PCM1: variants seen among roughly 807,000 people sequenced by gnomAD.
The protein encoded by PCM1 is pericentriolar material 1.
A neutral mutation model predicts 241.9 loss-of-function variants in PCM1; 157 were observed. The ratio of observed to expected loss-of-function variants is 0.65; its 90% CI spans 0.57 to 0.74. The LOEUF is 0.74. PCM1 is among the 30% of genes least tolerant of loss of function. The pLI is 0.00. For missense variants in PCM1, 3,478 were observed against 2,360.1 expected (o/e 1.47, Z -9.81); for synonymous variants, 1,085 against 784.9 (o/e 1.38, Z -6.39).
Position 17,957,753 on chromosome 8 carries a change from A to G in PCM1, c.2018A>G (p.Gln673Arg). The G allele has an allele frequency of 2.5e-6, 4 of 1,612,950 alleles. No individual in the cohort carries two copies. Among genetic ancestry groups the G allele is most frequent in the South Asian group, 1.1e-5 (1 of 91,046 alleles). Residue 673 changes from glutamine (Q) to arginine (R), a missense_variant, in exon 13 of 39, where the codon CAA (glutamine) becomes CGA (arginine). By Grantham distance (43) the Gln-to-Arg change is conservative. Coordinates refer to ENST00000325083, the MANE Select transcript of PCM1 (RefSeq NM_006197.4). ...MAAKQKLRQLQDLVAMVQDDD... is the reference protein window; with the variant it reads ...MAAKQKLRQLRDLVAMVQDDD... ...GCAAAACAGAAACTTAGACAGTTACAAGATCTTGTTGCTATGGTACAGGTA... is the reference window on the plus strand; with the variant it reads ...GCAAAACAGAAACTTAGACAGTTACGAGATCTTGTTGCTATGGTACAGGTA...
Position 18,014,649 on chromosome 8 carries a change from A to C in PCM1, c.5650A>C (p.Asn1884His). Residue 1884 changes from asparagine (N) to histidine (H), a missense_variant, in exon 36 of 39, where the codon AAT becomes CAT. By Grantham distance (68) the Asn-to-His change is moderately conservative. Transcript: ENST00000325083. The part of the protein sequence containing the change: ...LNILEDEQPL[N>H]SAAHKESPPT... ...TATCTTGGAAGATGAGCAACCTTTA[A>C]ATAGTGCTGCCCATAAGGAGTCACC... 1 of 1,613,598 alleles carries C rather than the reference A, an allele frequency of 6.2e-7. No homozygotes were observed.
chr8:17,945,066 A>G (rs915621658), intron 6 of PCM1, among the ~76,000 whole-genome samples: 4 of 152,030 alleles, frequency 2.6e-5, no homozygotes, highest in Admixed American at 6.6e-5. Context: ...TACCCCTTCC[A>G]TTGATATCTG....
Position 18,025,603 on chromosome 8 carries a change from A to G in PCM1, c.5994A>G (p.Ile1998Met). 1 of 1,584,862 alleles carries G rather than the reference A, an allele frequency of 6.3e-7. No individual in the cohort carries two copies. The highest frequency in any genetic ancestry group is 1.8e-5 in the Admixed American group (1 of 55,730). ...EEQKNHLSGE[I>M]CEMQTEELAG... ...AGAAAAACCATTTATCTGGTGAAAT[A>G]TGTGAAATGCAGACCGAAGAATTAG... Residue 1998 changes from isoleucine (I) to methionine (M), a missense_variant, in exon 38 of 39, where the codon ATA (isoleucine) becomes ATG (methionine). Ile to Met is a conservative substitution (Grantham distance 10, BLOSUM62 1). Transcript: ENST00000325083.
chr8:17,956,858 T>G, intron 11 of PCM1, 81 bp downstream of exon 11: 2 of 1,096,764 alleles, frequency 1.8e-6, no homozygotes, highest in East Asian at 5.1e-5. Flanking sequence ...AATACTTCGT[T>G]GTAGTATTTA....
In PCM1 at chr8:17,937,175, A is replaced by G; in HGVS notation, c.138A>G (p.Glu46=). 6.3e-7 allele frequency: 1 copy of G among 1,582,998 alleles called. No homozygotes were observed. The highest frequency in any genetic ancestry group is 1.1e-5 in the South Asian group (1 of 87,002). The change falls in exon 4 of 39, where the codon GAA becomes GAG. Residue 46 remains glutamate (E), a synonymous_variant. Coordinates refer to ENST00000325083, the MANE Select transcript of PCM1 (RefSeq NM_006197.4). The part of the protein sequence containing the change: ...AQQKKANRSS[E]KNKKKFGVES... ...AGAAGAAAGCAAATAGATCATCAGA[A>G]AAGAATAAGAAAAAGTTTGGTGTAG... is the stretch of plus-strand genomic sequence containing the variant.
At chr8:17,955,925 A>G (rs1042651982) in intron 10 of PCM1, 15 of 436,182 alleles carry the variant, frequency 3.4e-5, no homozygotes, top group South Asian at 1.5e-4. Context: ...ATATTTCTAT[A>G]TTCAGATGGT....
intron 34 of PCM1, 82 bp downstream of exon 34, chr8:18,011,909 A>G: frequency 1.6e-6 from 2 of 1,216,818 alleles, no homozygotes; most frequent in East Asian, 2.4e-5. Context: ...TAACTAATCA[A>G]AGTAGATCCT....
At chr8:17,966,957 A>C in intron 20 of PCM1, 23 bp from the exon 21 acceptor site, 1 of 1,572,156 alleles carries the variant, frequency 6.4e-7, no homozygotes, top group Non-Finnish European at 8.6e-7. Flanking sequence ...TGATTCTTAG[A>C]TTACTGACTT....
At position 17,956,793 on chromosome 8, in the gene PCM1, G is replaced by A. The variant is rs745651310; in HGVS notation, c.1646+16G>A. The stretch of plus-strand genomic sequence containing the variant: ...CTAACATTCGGTAAGAACTTTTCTG[G>A]GGATGTTTTTCCAGCATATTCATTC... On this transcript the variant is annotated intron_variant, in intron 11 of 38. Coordinates refer to ENST00000325083, the MANE Select transcript of PCM1 (RefSeq NM_006197.4). The A allele has an allele frequency of 2.3e-5, 37 of 1,591,016 alleles. No homozygotes were observed. The highest frequency in any genetic ancestry group is 2.6e-5 in the Non-Finnish European group (30 of 1,164,026).
chr8:17,980,854 T>C lies in PCM1; in HGVS notation c.4108+99T>C, dbSNP rs1406583608. 3 of 808,782 alleles carry C rather than the reference T, an allele frequency of 3.7e-6. No homozygotes were observed. In the Admixed American group the frequency reaches 8.1e-5, roughly 22 times the overall value. The allele number at this position is 808,782 out of a possible 1,614,324, so 50.1% of individuals were successfully genotyped here. On this transcript the variant is annotated intron_variant, in intron 24 of 38. Transcript: ENST00000325083. The stretch of plus-strand genomic sequence containing the variant: ...TGTTAAAATTGGTGTTTCACACGTA[T>C]CTATCATGTGGAAGGTTTTATAGTG...
intron 21 of PCM1, among the ~76,000 whole-genome samples, chr8:17,968,561 T>A (rs148559697): frequency 4.6e-4 from 70 of 151,984 alleles, no homozygotes; most frequent in African/African-American, 1.6e-3. Flanking sequence ...ATGAGGTGAA[T>A]CATGAGGAGG....
chr8:17,965,287 A>G (rs1289664692), intron 18 of PCM1, among the ~76,000 whole-genome samples: 1 of 152,164 alleles, frequency 6.6e-6, no homozygotes, highest in Non-Finnish European at 1.5e-5. Flanking sequence ...AGGAGATTTC[A>G]TTGCTTAAGC....
intron 20 of PCM1, 62 bp from the exon 21 acceptor site, chr8:17,966,918 A>C: frequency 7.1e-7 from 1 of 1,409,960 alleles, no homozygotes; most frequent in Non-Finnish European, 9.6e-7. Context: ...ATTCTTCCTG[A>C]ATGTACTTTA....
chr8:17,991,564 T>C lies in PCM1; in HGVS notation c.4554T>C (p.Asp1518=). Reference sequence around the variant, plus strand: ...TAGGTAACACCGTGATTCACTTAGATCAAGCATTAGCCAGAATGAGAGAAT... The same window carrying C: ...TAGGTAACACCGTGATTCACTTAGACCAAGCATTAGCCAGAATGAGAGAAT... ...DDLGNTVIHL[D]QALARMREYE... The change falls in exon 28 of 39, where the codon GAT becomes GAC. Residue 1518 remains aspartate (D), a synonymous_variant. Coordinates refer to ENST00000325083, the MANE Select transcript of PCM1 (RefSeq NM_006197.4). The C allele has an allele frequency of 6.2e-7, 1 of 1,602,584 alleles. No homozygotes were observed. Among genetic ancestry groups the C allele is most frequent in the South Asian group, 1.1e-5 (1 of 88,580 alleles).
In PCM1 at chr8:18,002,068, T is replaced by C. The variant is rs1439919105; in HGVS notation, c.4828-4195T>C. On this transcript the variant is annotated intron_variant, in intron 29 of 38. Transcript: ENST00000325083. Reference sequence around the variant, plus strand: ...GATCTGTTAAATTTTTTTTTTCTTTTTTTTTTTTTCTTTTTTTTATTATAC... The same window carrying C: ...GATCTGTTAAATTTTTTTTTTCTTTCTTTTTTTTTCTTTTTTTTATTATAC... Among the ~76,000 whole-genome samples, 89 of 66,826 alleles carry C rather than the reference T, an allele frequency of 1.3e-3. 17 individuals are homozygous for C. Among genetic ancestry groups the C allele is most frequent in the African/African-American group, 0.012 (83 of 6,992 alleles). The allele number at this position is 66,826 out of a possible 152,430, so 43.8% of individuals were successfully genotyped here.
chr8:17,927,537 G>C (rs1484905235), intron 2 of PCM1: 1 of 152,052 alleles, frequency 6.6e-6, no homozygotes, highest in Non-Finnish European at 1.5e-5. Context: ...TGTCTCTATA[G>C]TTAGAATCCT....
At position 17,935,587 on chromosome 8, in the gene PCM1, A is replaced by G. The variant is rs772597137; in HGVS notation, c.-22-2A>G. 4.1e-5 allele frequency: 42 copies of G among 1,029,312 alleles called. No individual in the cohort carries two copies. Among genetic ancestry groups the G allele is most frequent in the Non-Finnish European group, 5.5e-5 (36 of 650,624 alleles). The allele number at this position is 1,029,312 out of a possible 1,614,324, so 63.8% of individuals were successfully genotyped here. A position where few individuals can be genotyped will look rare whatever the true frequency, so the allele number is the denominator to read the frequency against. ...AAGCTCAGTTCTTAACTTGTTTCGC[A>G]GAGAGTTAATTGTTAAATCCAGTAT... On this transcript the variant is annotated splice_acceptor_variant, in intron 2 of 38. Transcript: ENST00000325083. LOFTEE classifies it low-confidence loss of function (5UTR_SPLICE).
rs767688104 is a variant in PCM1 at position 17,986,059 on chromosome 8, C to G, written c.4382C>G (p.Pro1461Arg). 3 of 1,595,482 alleles carry G rather than the reference C, an allele frequency of 1.9e-6. No homozygotes were observed. The highest frequency in any genetic ancestry group is 2.3e-5 in the South Asian group (2 of 87,458). The change falls in exon 26 of 39, where the codon CCT (proline) becomes CGT (arginine). Residue 1461 changes from proline to arginine, a missense_variant. Coordinates refer to ENST00000325083, the MANE Select transcript of PCM1 (RefSeq NM_006197.4). ...TWIASNSELT[P>R]SESLATTDDE... ...ATAGCATCAAACTCAGAACTTACTC[C>G]TAGTGAGAGCCTTGCTACTACTGAT...
At position 18,010,634 on chromosome 8, in the gene PCM1, G is replaced by A. The variant is rs570078794; in HGVS notation, c.5186G>A (p.Gly1729Asp). 5.6e-6 allele frequency: 9 copies of A among 1,603,646 alleles called. No individual in the cohort carries two copies. The highest frequency in any genetic ancestry group is 7.7e-6 in the Non-Finnish European group (9 of 1,175,516). Residue 1729 changes from glycine (G) to aspartate (D), a missense_variant, in exon 32 of 39, where the codon GGC becomes GAC. Coordinates refer to ENST00000325083, the MANE Select transcript of PCM1 (RefSeq NM_006197.4). ...KEAKRILEDH[G>D]SPAGEIDDED... ...GCTAAAAGGATTCTTGAAGATCATG[G>A]CTCACCTGCTGGAGAGATTGATGAT... is the stretch of plus-strand genomic sequence containing the variant.
Sources: allele counts gnomAD v4.1 joint callset (sites outside exome capture counted in the v4.1 genomes callset), GRCh38; gene constraint gnomAD v4.1.1; transcripts MANE v1.5; gene names NCBI Gene and HGNC (gene_info 2026-07-23, HGNC 2026-07-21).